MDGA2: variants seen among roughly 807,000 people sequenced by gnomAD.
MDGA2 encodes MAM domain containing glycosylphosphatidylinositol anchor 2, also known as MAM domain-containing glycosylphosphatidylinositol anchor protein 2.
A neutral mutation model predicts 117.8 loss-of-function variants in MDGA2; 40 were observed. The ratio of observed to expected loss-of-function variants is 0.34; its 90% CI spans 0.26 to 0.44. MDGA2 has a LOEUF of 0.44. MDGA2 is among the 20% of genes least tolerant of loss of function. The pLI is 1.00. For synonymous variants in MDGA2, 452 were observed against 439.0 expected (o/e 1.03, Z -0.37); for missense variants, 1,123 against 1,250.6 (o/e 0.90, Z 1.54).
At chr14:47,112,450 A>G (rs1881094110) in intron 5 of MDGA2, among the ~76,000 whole-genome samples, 1 of 152,004 alleles carries the variant, frequency 6.6e-6, no homozygotes, top group Admixed American at 6.5e-5. Flanking sequence ...CCCTGTGTCC[A>G]TGGGTCCTTA....
At chr14:47,409,218 G>C (rs915271952) in intron 1 of MDGA2, among the ~76,000 whole-genome samples, 5 of 152,176 alleles carry the variant, frequency 3.3e-5, no homozygotes, top group African/African-American at 9.6e-5. Context: ...AACATAGCCC[G>C]TTATGGGAAG....
intron 1 of MDGA2, among the ~76,000 whole-genome samples, chr14:47,552,306 A>C (rs1895597452): frequency 6.6e-6 from 1 of 152,178 alleles, no homozygotes; most frequent in South Asian, 2.1e-4. Context: ...AGACCTGACT[A>C]TCCAACTGTC....
intron 10 of MDGA2, among the ~76,000 whole-genome samples, chr14:46,916,801 G>T (rs573354037): frequency 6.6e-6 from 1 of 152,114 alleles, no homozygotes; most frequent in South Asian, 2.1e-4. Flanking sequence ...CCCATGGAAA[G>T]AGTAAAATTA....
chr14:47,476,745 A>G (rs1247077378), intron 1 of MDGA2, among the ~76,000 whole-genome samples: 8 of 152,336 alleles, frequency 5.3e-5, no homozygotes, highest in African/African-American at 1.7e-4. Flanking sequence ...TGTAATAGAG[A>G]AAATATAATT....
At chr14:47,318,894 C>T (rs2139867895) in intron 1 of MDGA2, among the ~76,000 whole-genome samples, 1 of 152,210 alleles carries the variant, frequency 6.6e-6, no homozygotes, top group South Asian at 2.1e-4. Context: ...TTACAAATTA[C>T]TTGCAGTTGT....
chr14:47,047,976 C>T (rs181269884), intron 7 of MDGA2, among the ~76,000 whole-genome samples: 13 of 152,132 alleles, frequency 8.5e-5, no homozygotes, highest in African/African-American at 4.8e-5. Context: ...GGCATTCCCC[C>T]AAAGCCATCC....
chr14:47,666,515 G>C (rs1897969746), intron 1 of MDGA2, among the ~76,000 whole-genome samples: 1 of 152,170 alleles, frequency 6.6e-6, no homozygotes, highest in African/African-American at 2.4e-5. Flanking sequence ...AATCTAGTGG[G>C]AATGTGGAGA....
At chr14:47,448,774 T>G (rs1893180453) in intron 1 of MDGA2, among the ~76,000 whole-genome samples, 1 of 152,140 alleles carries the variant, frequency 6.6e-6, no homozygotes, top group African/African-American at 2.4e-5. Flanking sequence ...TTATTGCTAG[T>G]TGGTCAAAAG....
chr14:47,547,055 A>G (rs1451615879), intron 1 of MDGA2, among the ~76,000 whole-genome samples: 1 of 152,164 alleles, frequency 6.6e-6, no homozygotes, highest in Non-Finnish European at 1.5e-5. Context: ...GAAGCATGTT[A>G]TTTAGGCCCA....
chr14:47,584,808 C>A (rs944395576), intron 1 of MDGA2, among the ~76,000 whole-genome samples: 11 of 151,754 alleles, frequency 7.2e-5, no homozygotes, highest in Admixed American at 2.6e-4. Flanking sequence ...CCCATTAATA[C>A]CCCACAACTC....
chr14:46,964,919 C>CTTTT lies in MDGA2; in HGVS notation c.1820-7280_1820-7277dup, dbSNP rs746778179. Among the ~76,000 whole-genome samples the CTTTT allele has an allele frequency of 8.9e-5, 8 of 89,808 alleles. 1 individual carries two copies. Among genetic ancestry groups the CTTTT allele is most frequent in the East Asian group, 2.6e-4 (1 of 3,896 alleles). 58.9% of individuals were successfully genotyped at this position (89,808 alleles called of 152,430 possible). ...GAAAATATCCCCAAATATATATTTA[C>CTTTT]TTTTTTTTTTTTTTTTTTTTTTGAG... On this transcript the variant is annotated intron_variant, in intron 8 of 16. Transcript: ENST00000399232.
chr14:47,016,849 G>C (rs1888101821), intron 8 of MDGA2, among the ~76,000 whole-genome samples: 1 of 151,884 alleles, frequency 6.6e-6, no homozygotes. Context: ...AAGTTAACAG[G>C]AAATTATGGA....
chr14:47,000,970 A>T (rs1251321183), intron 8 of MDGA2, among the ~76,000 whole-genome samples: 1 of 152,088 alleles, frequency 6.6e-6, no homozygotes, highest in East Asian at 1.9e-4. Flanking sequence ...AAAGTATTTT[A>T]GGTGAGAAAA....
At chr14:47,185,683 T>C (rs1390591326) in intron 3 of MDGA2, among the ~76,000 whole-genome samples, 5 of 151,564 alleles carry the variant, frequency 3.3e-5, no homozygotes, top group African/African-American at 9.7e-5. Flanking sequence ...ATCTTAACCA[T>C]AAAACTGGTT....
At chr14:46,866,852 G>A (rs528631994) in intron 14 of MDGA2, among the ~76,000 whole-genome samples, 2,976 of 152,116 alleles carry the variant, frequency 0.02, 46 homozygotes, top group Non-Finnish European at 0.029. Context: ...ATACCATCTC[G>A]CACCAGTTAG....
intron 8 of MDGA2, among the ~76,000 whole-genome samples, chr14:47,011,525 G>A (rs1316625653): frequency 6.6e-6 from 1 of 151,926 alleles, no homozygotes; most frequent in Non-Finnish European, 1.5e-5. Context: ...ATCAAAACAT[G>A]TTTCAAAGCA....
At chr14:47,234,565 C>A (rs1886797888) in intron 2 of MDGA2, among the ~76,000 whole-genome samples, 1 of 151,960 alleles carries the variant, frequency 6.6e-6, no homozygotes, top group Non-Finnish European at 1.5e-5. Context: ...ATTTCTCTGG[C>A]AAGAGTACAT....
intron 9 of MDGA2, among the ~76,000 whole-genome samples, chr14:46,948,724 T>C (rs2138603977): frequency 6.6e-6 from 1 of 152,128 alleles, no homozygotes; most frequent in Middle Eastern, 3.4e-3. Context: ...TGCTCCTTGG[T>C]AATGTCAGGC....
At chr14:47,489,318 T>C (rs1370183761) in intron 1 of MDGA2, among the ~76,000 whole-genome samples, 1 of 152,116 alleles carries the variant, frequency 6.6e-6, no homozygotes, top group Non-Finnish European at 1.5e-5. Flanking sequence ...TATACTGAAT[T>C]TATGATAACT....
Sources: allele counts gnomAD v4.1 joint callset (sites outside exome capture counted in the v4.1 genomes callset), GRCh38; gene constraint gnomAD v4.1.1; transcripts MANE v1.5; gene names NCBI Gene and HGNC (gene_info 2026-07-23, HGNC 2026-07-21).